Variants in DLG2 observed in about 807,000 individuals in gnomAD.
The protein encoded by DLG2 is disks large homolog 2.
Under a neutral mutation model 132.5 loss-of-function variants are expected in DLG2, and 45 were observed. The observed-to-expected ratio is 0.34, with a 90% CI of 0.27 to 0.44. DLG2 has a LOEUF of 0.44. Among genes scored for constraint, DLG2 ranks in the 20% least tolerant of loss-of-function variants. The pLI, the probability that DLG2 is intolerant of heterozygous loss-of-function variation, is 1.00. For missense variants in DLG2, 1,045 were observed against 1,196.9 expected, an observed-to-expected ratio of 0.87 and a Z score of 1.87; for synonymous variants, 424 against 419.6, an observed-to-expected ratio of 1.01 and a Z score of -0.13.
At chr11:83,823,528 C>T (rs1430897296) in intron 17 of DLG2, among the ~76,000 whole-genome samples, 1 of 152,090 alleles carries the variant, frequency 6.6e-6, no homozygotes, top group Non-Finnish European at 1.5e-5. Flanking sequence ...AATCTAAAAG[C>T]TTTAATGTAT....
At chr11:85,399,798 T>G (rs1824305002) in intron 3 of DLG2, among the ~76,000 whole-genome samples, 1 of 152,164 alleles carries the variant, frequency 6.6e-6, no homozygotes, top group Non-Finnish European at 1.5e-5. Context: ...GATTAAAGAC[T>G]TAAATGTTAG....
At chr11:84,813,883 G>T (rs959392204) in intron 6 of DLG2, among the ~76,000 whole-genome samples, 1 of 152,014 alleles carries the variant, frequency 6.6e-6, no homozygotes, top group Non-Finnish European at 1.5e-5. Context: ...CCTCTCACTG[G>T]AAAGAGACTA....
chr11:85,496,296 T>A (rs1408097860), intron 3 of DLG2, among the ~76,000 whole-genome samples: 1 of 152,214 alleles, frequency 6.6e-6, no homozygotes, highest in Non-Finnish European at 1.5e-5. Flanking sequence ...CATTGCTCAC[T>A]GCTAGTGCAG....
At chr11:85,254,842 T>A (rs1056720779) in intron 4 of DLG2, among the ~76,000 whole-genome samples, 1 of 151,756 alleles carries the variant, frequency 6.6e-6, no homozygotes, top group African/African-American at 2.4e-5. Context: ...CTACTAAAAA[T>A]ACAAAAAAAT....
At chr11:83,808,617 C>T (rs1463675002) in intron 17 of DLG2, among the ~76,000 whole-genome samples, 1 of 152,144 alleles carries the variant, frequency 6.6e-6, no homozygotes, top group African/African-American at 2.4e-5. Flanking sequence ...TCCATGAAAC[C>T]CAGACATATA....
intron 3 of DLG2, chr11:85,469,405 C>CT (rs1229667674): frequency 6.6e-6 from 1 of 152,324 alleles, no homozygotes; most frequent in East Asian, 1.9e-4. Context: ...GTAAGTTCAC[C>CT]TTTGCCCACT....
At chr11:84,769,464 G>C (rs1462574561) in intron 6 of DLG2, among the ~76,000 whole-genome samples, 1 of 152,046 alleles carries the variant, frequency 6.6e-6, no homozygotes, top group East Asian at 1.9e-4. Flanking sequence ...CAAAGTCTCA[G>C]AGAAATATGG....
chr11:84,550,072 A>G (rs79990316), intron 6 of DLG2, among the ~76,000 whole-genome samples: 3,210 of 151,726 alleles, frequency 0.021, 110 homozygotes, highest in African/African-American at 0.073. Context: ...TTTCTCTACC[A>G]GTGTCATGCA....
intron 7 of DLG2, among the ~76,000 whole-genome samples, chr11:84,339,904 T>C (rs2098506255): frequency 6.6e-6 from 1 of 152,318 alleles, no homozygotes; most frequent in South Asian, 2.1e-4. Flanking sequence ...TCATGACGAC[T>C]TTAATTTCTT....
chr11:85,375,026 A>G (rs1232636568), intron 3 of DLG2, among the ~76,000 whole-genome samples: 4 of 151,752 alleles, frequency 2.6e-5, no homozygotes, highest in Admixed American at 1.3e-4. Context: ...ATAAACAACT[A>G]TGTCTTCTTT....
intron 3 of DLG2, among the ~76,000 whole-genome samples, chr11:85,418,364 T>C (rs1366791129): frequency 6.6e-6 from 1 of 152,190 alleles, no homozygotes; most frequent in Non-Finnish European, 1.5e-5. Context: ...TACTTCCAAT[T>C]ATGTGGTCAA....
At chr11:84,000,545 A>G (rs554216066) in intron 11 of DLG2, among the ~76,000 whole-genome samples, 2 of 152,232 alleles carry the variant, frequency 1.3e-5, no homozygotes, top group South Asian at 4.1e-4. Flanking sequence ...TACAATCCAC[A>G]AAATATCTTC....
At chr11:84,270,530 G>T (rs2097707234) in intron 7 of DLG2, among the ~76,000 whole-genome samples, 2 of 152,162 alleles carry the variant, frequency 1.3e-5, no homozygotes, top group South Asian at 4.1e-4. Flanking sequence ...ATTTTATATG[G>T]GAGGTTCCCT....
At chr11:84,173,505 A>C (rs949330451) in intron 8 of DLG2, among the ~76,000 whole-genome samples, 1 of 152,196 alleles carries the variant, frequency 6.6e-6, no homozygotes, top group East Asian at 1.9e-4. Flanking sequence ...CAAGAACTCA[A>C]AGCACATAGC....
At chr11:83,558,846 G>T (rs995827822) in intron 19 of DLG2, among the ~76,000 whole-genome samples, 3 of 127,878 alleles carry the variant, frequency 2.3e-5, no homozygotes, top group African/African-American at 6.5e-5. Context: ...AGTGCTAGAT[G>T]TCGTGTGTGT....
At chr11:85,251,261 C>T (rs559016166) in intron 4 of DLG2, among the ~76,000 whole-genome samples, 1 of 152,278 alleles carries the variant, frequency 6.6e-6, no homozygotes, top group South Asian at 2.1e-4. Flanking sequence ...AATCTTCAAA[C>T]ATGTAATATT....
At chr11:84,993,003 T>C (rs1328691864) in intron 6 of DLG2, among the ~76,000 whole-genome samples, 1 of 152,196 alleles carries the variant, frequency 6.6e-6, no homozygotes, top group Non-Finnish European at 1.5e-5. Context: ...CTACATACAA[T>C]AGCAAAGACT....
intron 9 of DLG2, among the ~76,000 whole-genome samples, chr11:84,152,110 T>C (rs2095310032): frequency 6.6e-6 from 1 of 152,182 alleles, no homozygotes; most frequent in Non-Finnish European, 1.5e-5. Flanking sequence ...CTTAGTTTGC[T>C]GCATTGATGA....
At chr11:85,103,046 G>T (rs1036276754) in intron 6 of DLG2, among the ~76,000 whole-genome samples, 3 of 151,692 alleles carry the variant, frequency 2.0e-5, no homozygotes, top group Admixed American at 1.3e-4. Context: ...AAAATATTTT[G>T]GAATAAATTT....
Sources: allele counts gnomAD v4.1 joint callset (sites outside exome capture counted in the v4.1 genomes callset), GRCh38; gene constraint gnomAD v4.1.1; transcripts MANE v1.5; gene names NCBI Gene and HGNC (gene_info 2026-07-23, HGNC 2026-07-21).